MPDZ: variants seen among roughly 807,000 people sequenced by gnomAD.
MPDZ encodes the protein multiple PDZ domain protein.
MPDZ carries 234 observed loss-of-function variants against 239.1 expected under a neutral mutation model. That is an observed-to-expected ratio of 0.98 (90% CI 0.88 to 1.09). MPDZ has a LOEUF of 1.09. Among genes scored for constraint, MPDZ ranks in the 50% least tolerant of loss-of-function variants. The pLI, the probability that MPDZ is intolerant of heterozygous loss-of-function variation, is 0.00. For synonymous variants in MPDZ, 1,048 were observed against 881.3 expected (o/e 1.19, Z -3.35); for missense variants, 3,175 against 2,510.0 (o/e 1.26, Z -5.66).
intron 10 of MPDZ, among the ~76,000 whole-genome samples, chr9:13,215,185 T>C (rs1958140228): frequency 6.6e-6 from 1 of 152,048 alleles, no homozygotes. Flanking sequence ...AAGTCTATTT[T>C]AGATACTTCA....
At chr9:13,138,822 G>A (rs1947235445) in intron 28 of MPDZ, among the ~76,000 whole-genome samples, 2 of 152,164 alleles carry the variant, frequency 1.3e-5, no homozygotes, top group East Asian at 1.9e-4. Context: ...ACAGATGAGC[G>A]ACCAGCCAAC....
chr9:13,136,702 A>T lies in MPDZ; in HGVS notation c.4292+10T>A. On this transcript the variant is annotated intron_variant, in intron 30 of 46. Transcript: ENST00000319217. Reference sequence around the variant, plus strand: ...AAGTATTTGGTAAACTAGCAAAAGAAAATGATCACCTGATAAAAATTATTT... The same window carrying T: ...AAGTATTTGGTAAACTAGCAAAAGATAATGATCACCTGATAAAAATTATTT... 6.6e-7 allele frequency: 1 copy of T among 1,513,784 alleles called. No homozygotes were observed. 93.8% of individuals were successfully genotyped at this position (1,513,784 alleles called of 1,614,324 possible).
At position 13,147,603 on chromosome 9, in the gene MPDZ, C is replaced by A. The variant is rs61753783; in HGVS notation, c.3686G>T (p.Arg1229Leu). Reference protein sequence around the residue: ...ASHEQAVEAIRKAGNPVVFMV... With the variant: ...ASHEQAVEAILKAGNPVVFMV... ...AAAGACTACAGGGTTGCCTGCTTTC[C>A]GAATGGCTTCCACAGCTTGTTCATG... Residue 1229 changes from arginine to leucine, a missense_variant, in exon 26 of 47, where the codon CGG (arginine) becomes CTG (leucine). Physicochemically the swap from Arg to Leu is moderately radical, Grantham distance 102. Transcript: ENST00000319217. The A allele has an allele frequency of 6.2e-7, 1 of 1,612,378 alleles. No individual in the cohort carries two copies. Among genetic ancestry groups the A allele is most frequent in the African/African-American group, 1.3e-5 (1 of 74,896 alleles).
At chr9:13,271,896 A>G (rs938442644) in intron 1 of MPDZ, among the ~76,000 whole-genome samples, 10 of 152,208 alleles carry the variant, frequency 6.6e-5, no homozygotes, top group African/African-American at 2.2e-4. Context: ...AAAAGAGAAC[A>G]TACTGTATGA....
chr9:13,162,187 C>G (rs570865509), intron 23 of MPDZ, among the ~76,000 whole-genome samples: 28 of 151,818 alleles, frequency 1.8e-4, no homozygotes, highest in African/African-American at 6.5e-4. Flanking sequence ...TTGCATGAAC[C>G]CAGGAGGTAG....
chr9:13,218,598 A>G (rs1327689523), intron 8 of MPDZ, among the ~76,000 whole-genome samples: 1 of 151,942 alleles, frequency 6.6e-6, no homozygotes, highest in Non-Finnish European at 1.5e-5. Flanking sequence ...AGAATCATGG[A>G]AATTACAAGT....
At chr9:13,119,794 C>T in intron 38 of MPDZ, 145 bp from the exon 39 acceptor site, 1 of 794,748 alleles carries the variant, frequency 1.3e-6, no homozygotes, top group Non-Finnish European at 2.0e-6. Flanking sequence ...ACTGGGGCAA[C>T]ATTAGAATTA....
At chr9:13,125,532 T>G (rs1367630569) in intron 34 of MPDZ, 142 bp from the exon 35 acceptor site, 2 of 735,236 alleles carry the variant, frequency 2.7e-6, no homozygotes, top group Admixed American at 6.0e-5. Context: ...TTGTCAGGAC[T>G]TGGGTAAAGA....
intron 2 of MPDZ, among the ~76,000 whole-genome samples, chr9:13,249,873 T>C (rs1273849344): frequency 1.3e-5 from 2 of 152,180 alleles, no homozygotes; most frequent in Non-Finnish European, 2.9e-5. Flanking sequence ...CTAAGCAACA[T>C]TTTTCTCTTT....
intron 28 of MPDZ, among the ~76,000 whole-genome samples, chr9:13,139,373 A>C (rs191892444): frequency 2.0e-5 from 3 of 152,142 alleles, no homozygotes; most frequent in Admixed American, 6.5e-5. Context: ...GAGACTCCCT[A>C]TTGGTCCTAA....
At chr9:13,200,114 T>A (rs1239581052) in intron 12 of MPDZ, among the ~76,000 whole-genome samples, 2 of 152,006 alleles carry the variant, frequency 1.3e-5, no homozygotes, top group African/African-American at 4.8e-5. Context: ...TATTACCAAC[T>A]CAATCTTGTT....
intron 10 of MPDZ, among the ~76,000 whole-genome samples, chr9:13,215,297 C>G (rs1478819171): frequency 6.6e-6 from 1 of 151,582 alleles, no homozygotes; most frequent in Non-Finnish European, 1.5e-5. Context: ...AGATTTCCTT[C>G]TCTTTAAAGA....
intron 24 of MPDZ, among the ~76,000 whole-genome samples, chr9:13,155,922 T>G (rs1281799149): frequency 6.6e-6 from 1 of 152,156 alleles, no homozygotes; most frequent in Non-Finnish European, 1.5e-5. Flanking sequence ...GGAGGTATTC[T>G]TCACGTAAGG....
At chr9:13,122,394 G>GA (rs1334258443) in intron 36 of MPDZ, among the ~76,000 whole-genome samples, 8 of 151,412 alleles carry the variant, frequency 5.3e-5, no homozygotes, top group African/African-American at 1.9e-4. Context: ...GAAGATTAAA[G>GA]AAAAAAACTA....
chr9:13,199,271 TG>T (rs1226227870), intron 12 of MPDZ, among the ~76,000 whole-genome samples: 1 of 152,122 alleles, frequency 6.6e-6, no homozygotes, highest in African/African-American at 2.4e-5. Context: ...TTCTTGTAGC[TG>T]TTGTAAATGG....
chr9:13,122,254 T>A, intron 36 of MPDZ, 84 bp from the exon 37 acceptor site: 1 of 1,193,340 alleles, frequency 8.4e-7, no homozygotes, highest in Admixed American at 1.9e-5. Context: ...CACATTATAC[T>A]TTGATAGACA....
rs1587025 is a variant in MPDZ, at chr9:13,255,784, C to T, written c.-57-5412G>A. The stretch of plus-strand genomic sequence containing the variant: ...TCTTTCTTTTTCCATTTACAGAGAA[C>T]GCAGGCATAGCAGATTTAGAATAAC... On this transcript the variant is annotated intron_variant, in intron 1 of 46. Coordinates refer to ENST00000319217, the MANE Select transcript of MPDZ (RefSeq NM_001378778.1). 7.3e-3 allele frequency among the ~76,000 whole-genome samples: 1,118 copies of T among 152,248 alleles called. 12 individuals are homozygous for T. The highest frequency in any genetic ancestry group is 0.024 in the African/African-American group (1,017 of 41,558).
chr9:13,193,215 A>G lies in MPDZ; in HGVS notation c.1755T>C (p.Gly585=). 1 of 1,608,520 alleles carries G rather than the reference A, an allele frequency of 6.2e-7. No homozygotes were observed. Among genetic ancestry groups the G allele is most frequent in the Non-Finnish European group, 8.5e-7 (1 of 1,176,514 alleles). Residue 585 remains glycine, a synonymous_variant, in exon 14 of 47, where the codon GGT becomes GGC. Transcript: ENST00000319217. ...AGAGCTTCCCGCTGTGTCCAACAGG[A>G]CCCTCTGGTAGAACAGATCGGATAA... is the stretch of plus-strand genomic sequence containing the variant. ...HHFIRSVLPE[G]PVGHSGKLFS...
Position 13,242,625 on chromosome 9 carries a change from A to G in MPDZ, c.183+5010T>C, listed in dbSNP as rs1564113876. 3.3e-5 allele frequency among the ~76,000 whole-genome samples: 5 copies of G among 152,248 alleles called. No individual in the cohort carries two copies. The South Asian group carries it at 1.0e-3, about 32-fold the overall frequency. ...CAATATCCAAAAAAAAAAATGCAAA[A>G]GAACAAAGGTGATTAACCAACCAAC... On this transcript the variant is annotated intron_variant, in intron 3 of 46. Coordinates refer to ENST00000319217, the MANE Select transcript of MPDZ (RefSeq NM_001378778.1).
Sources: gnomAD v4.1 joint callset for allele counts (sites outside exome capture counted in the v4.1 genomes callset) on GRCh38, gnomAD v4.1.1 for gene constraint, MANE v1.5 for transcripts, NCBI Gene and HGNC (gene_info 2026-07-23, HGNC 2026-07-21) for gene names.